PLAT: variants seen among roughly 807,000 people sequenced by gnomAD.
PLAT encodes tissue-type plasminogen activator.
In PLAT, 48 loss-of-function variants were observed where a neutral mutation model predicts 74.9. That is an observed-to-expected ratio of 0.64 (90% CI 0.51 to 0.82). The LOEUF (loss-of-function observed/expected upper bound fraction) is 0.82. PLAT is among the 40% of genes least tolerant of loss of function. PLAT has a pLI of 0.00. For synonymous variants in PLAT, 307 were observed against 294.4 expected, an observed-to-expected ratio of 1.04 and a Z score of -0.44; for missense variants, 673 against 736.2, an observed-to-expected ratio of 0.91 and a Z score of 0.99.
chr8:42,180,297 G>T lies in PLAT; in HGVS notation c.1167C>A (p.Val389=), dbSNP rs8178781. 1.9e-3 allele frequency: 3,033 copies of T among 1,614,142 alleles called. 49 individuals carry two copies. The African/African-American group carries it at 0.037, about 19-fold the overall frequency. ...VPGEEEQKFE[V]EKYIVHKEFD... ...ATTCCTTATGGACAATGTATTTTTC[G>T]ACTTCAAATTTCTGCTCCTCCTCGC... The change falls in exon 11 of 14, where the codon GTC becomes GTA. Residue 389 remains valine, a synonymous_variant. Coordinates refer to ENST00000220809, the MANE Select transcript of PLAT (RefSeq NM_000930.5).
chr8:42,191,076 C>T (rs1805663503), intron 3 of PLAT, among the ~76,000 whole-genome samples: 1 of 152,018 alleles, frequency 6.6e-6, no homozygotes, highest in South Asian at 2.1e-4. Context: ...TAACCAGGAC[C>T]TTGGGCCAGT....
At chr8:42,194,051 T>TTTTTC (rs1805800097) in intron 1 of PLAT, among the ~76,000 whole-genome samples, 1 of 16,922 alleles carries the variant, frequency 5.9e-5, no homozygotes, top group Non-Finnish European at 9.2e-5. Context: ...TTCTTCTTTC[T>TTTTTC]TTTTTTTTTT....
At position 42,187,038 on chromosome 8, in the gene PLAT, C is replaced by A. The variant is rs191208731; in HGVS notation, c.539+360G>T. 998 of 175,522 alleles carry A rather than the reference C, an allele frequency of 5.7e-3. 13 individuals are homozygous for A. Among genetic ancestry groups the A allele is most frequent in the Non-Finnish European group, 8.1e-3 (687 of 84,514 alleles). The allele number at this position is 175,522 out of a possible 1,614,324, so 10.9% of individuals were successfully genotyped here. A position where few individuals can be genotyped will look rare whatever the true frequency, so the allele number is the denominator to read the frequency against. On this transcript the variant is annotated intron_variant, in intron 6 of 13. Transcript: ENST00000220809. Reference sequence around the variant, plus strand: ...TACCACCTATCATCTATCATCTATCCATCTATCATCTATCTACCATCTATC... The same window carrying A: ...TACCACCTATCATCTATCATCTATCAATCTATCATCTATCTACCATCTATC...
At chr8:42,191,140 G>C (rs528298902) in intron 3 of PLAT, among the ~76,000 whole-genome samples, 109 of 152,112 alleles carry the variant, frequency 7.2e-4, no homozygotes, top group African/African-American at 2.4e-3. Context: ...CTGGCTCCTT[G>C]GGGGGGAACA....
At chr8:42,187,772 C>T (rs1467182817) in intron 5 of PLAT, 134 bp downstream of exon 5, 3 of 764,658 alleles carry the variant, frequency 3.9e-6, no homozygotes, top group African/African-American at 3.5e-5. Flanking sequence ...GCTTCCTGAC[C>T]CATGGCAGAA....
intron 1 of PLAT, among the ~76,000 whole-genome samples, chr8:42,193,420 A>G (rs1244101003): frequency 1.1e-4 from 16 of 152,108 alleles, no homozygotes; most frequent in Admixed American, 9.2e-4. Flanking sequence ...TACCACCTTA[A>G]CGATGTTCAG....
chr8:42,201,371 G>A (rs183629142), intron 1 of PLAT, among the ~76,000 whole-genome samples: 119 of 152,322 alleles, frequency 7.8e-4, no homozygotes, highest in South Asian at 1.5e-3. Context: ...CTGGGTGCAC[G>A]GCAGGAGCGA....
chr8:42,194,031 C>T (rs1460349969), intron 1 of PLAT, among the ~76,000 whole-genome samples: 4 of 132,476 alleles, frequency 3.0e-5, no homozygotes, highest in East Asian at 2.3e-4. Context: ...TTTTCTTTTT[C>T]CTTTCTTCTT....
chr8:42,177,395 T>A, intron 13 of PLAT, among the ~76,000 whole-genome samples: 1 of 152,248 alleles, frequency 6.6e-6, no homozygotes, highest in East Asian at 1.9e-4. Flanking sequence ...GTAGATTGTA[T>A]CTCAGTTATC....
intron 3 of PLAT, among the ~76,000 whole-genome samples, chr8:42,189,290 G>A (rs1024932045): frequency 6.6e-6 from 1 of 152,056 alleles, no homozygotes; most frequent in African/African-American, 2.4e-5. Flanking sequence ...GGCCGAGGTG[G>A]GTGAATCACT....
At chr8:42,201,134 C>T (rs990731036) in intron 1 of PLAT, among the ~76,000 whole-genome samples, 13 of 152,164 alleles carry the variant, frequency 8.5e-5, no homozygotes, top group East Asian at 1.9e-4. Context: ...CTGGCCATAA[C>T]GTTCTTAATG....
At chr8:42,185,744 A>C (rs1805429621) in intron 6 of PLAT, 1 of 152,306 alleles carries the variant, frequency 6.6e-6, no homozygotes. Flanking sequence ...GCACCCAGTC[A>C]GTTAACCAAA....
chr8:42,192,067 A>G (rs897328469), intron 2 of PLAT, among the ~76,000 whole-genome samples: 1 of 143,662 alleles, frequency 7.0e-6, no homozygotes, highest in Non-Finnish European at 1.5e-5. Context: ...GCATTGGCGT[A>G]ATCATATCTC....
At chr8:42,184,470 C>T (rs1342365988) in intron 7 of PLAT, among the ~76,000 whole-genome samples, 1 of 152,080 alleles carries the variant, frequency 6.6e-6, no homozygotes, top group African/African-American at 2.4e-5. Flanking sequence ...AGCAATTCTC[C>T]TGCCTCAGCC....
At chr8:42,199,522 G>A (rs1400607419) in intron 1 of PLAT, among the ~76,000 whole-genome samples, 1 of 151,564 alleles carries the variant, frequency 6.6e-6, no homozygotes, top group Non-Finnish European at 1.5e-5. Context: ...TCTTCCAAAT[G>A]TAGGCATATG....
intron 2 of PLAT, among the ~76,000 whole-genome samples, chr8:42,192,557 T>C (rs1805727638): frequency 6.6e-6 from 1 of 151,824 alleles, no homozygotes; most frequent in Admixed American, 6.6e-5. Flanking sequence ...AAATAAATAA[T>C]ACAACAATAA....
At chr8:42,202,937 G>A (rs892730559) in intron 1 of PLAT, among the ~76,000 whole-genome samples, 1 of 152,130 alleles carries the variant, frequency 6.6e-6, no homozygotes, top group Non-Finnish European at 1.5e-5. Flanking sequence ...TTGGCTCTGG[G>A]CCACAGCAAG....
intron 6 of PLAT, chr8:42,186,387 T>A (rs1398823099): frequency 6.6e-6 from 1 of 152,222 alleles, no homozygotes; most frequent in Non-Finnish European, 1.5e-5. Context: ...GACTCAATTG[T>A]GTGTTCAGTG....
intron 3 of PLAT, 137 bp from the exon 4 acceptor site, chr8:42,189,208 A>T (rs1805597567): frequency 1.2e-6 from 1 of 813,594 alleles, no homozygotes; most frequent in African/African-American, 1.7e-5. Context: ...AAGAGACACA[A>T]CTGGAAGACA....
Sources: gnomAD v4.1 joint callset for allele counts (sites outside exome capture counted in the v4.1 genomes callset) on GRCh38, gnomAD v4.1.1 for gene constraint, MANE v1.5 for transcripts, NCBI Gene and HGNC (gene_info 2026-07-23, HGNC 2026-07-21) for gene names.